Variants in LRP2 observed in about 807,000 individuals in gnomAD.
The protein encoded by LRP2 is low-density lipoprotein receptor-related protein 2.
Under a neutral mutation model 531.0 loss-of-function variants are expected in LRP2, and 172 were observed. The observed-to-expected ratio is 0.32, with a 90% confidence interval of 0.29 to 0.37. LRP2 has a LOEUF of 0.37. Among genes scored for constraint, LRP2 ranks in the 10% least tolerant of loss-of-function variants. The pLI, the probability that LRP2 is intolerant of heterozygous loss-of-function variation, is 1.00. For missense variants in LRP2, 5,167 were observed against 5,868.3 expected (o/e 0.88, Z 3.90); for synonymous variants, 1,992 against 2,027.6 (o/e 0.98, Z 0.47).
chr2:169,256,300 G>A, intron 18 of LRP2, 64 bp from the exon 19 acceptor site: 1 of 1,423,886 alleles, frequency 7.0e-7, no homozygotes, highest in Non-Finnish European at 9.8e-7. Flanking sequence ...TTTACACAAA[G>A]GGCATCCAAA....
At chr2:169,341,649 T>C (rs767874959) in intron 1 of LRP2, among the ~76,000 whole-genome samples, 6 of 152,298 alleles carry the variant, frequency 3.9e-5, no homozygotes, top group Non-Finnish European at 7.4e-5. Context: ...TTATTATTAA[T>C]TTAAAGTTAC....
intron 3 of LRP2, among the ~76,000 whole-genome samples, chr2:169,310,054 G>C (rs1684548886): frequency 6.6e-6 from 1 of 152,170 alleles, no homozygotes; most frequent in Non-Finnish European, 1.5e-5. Flanking sequence ...GAATGCTTGT[G>C]ATTTTTGCAC....
intron 21 of LRP2, among the ~76,000 whole-genome samples, chr2:169,245,792 A>G (rs1689983174): frequency 6.6e-6 from 1 of 152,248 alleles, no homozygotes; most frequent in African/African-American, 2.4e-5. Context: ...TATGATTGCA[A>G]GTAGTTATTC....
At chr2:169,198,383 C>T (rs1269456550) in intron 45 of LRP2, among the ~76,000 whole-genome samples, 1 of 152,116 alleles carries the variant, frequency 6.6e-6, no homozygotes, top group Admixed American at 6.5e-5. Flanking sequence ...CACTACACTA[C>T]AGCCCAGGTG....
intron 63 of LRP2, among the ~76,000 whole-genome samples, chr2:169,157,897 C>T (rs73032957): frequency 7.7e-6 from 1 of 130,262 alleles, no homozygotes; most frequent in Non-Finnish European, 1.6e-5. Context: ...GATGATAGAT[C>T]GATAGATAGA....
chr2:169,265,531 A>G (rs1297963131), intron 16 of LRP2, among the ~76,000 whole-genome samples: 1 of 152,092 alleles, frequency 6.6e-6, no homozygotes, highest in African/African-American at 2.4e-5. Flanking sequence ...TGTCATATCC[A>G]TATCCATATC....
chr2:169,129,578 A>T (rs1685211448), intron 77 of LRP2, among the ~76,000 whole-genome samples: 1 of 152,216 alleles, frequency 6.6e-6, no homozygotes, highest in African/African-American at 2.4e-5. Context: ...TAATAACAAA[A>T]ACATCTAACA....
intron 1 of LRP2, among the ~76,000 whole-genome samples, chr2:169,339,171 TATTCATC>T (rs1220431766): frequency 2.6e-5 from 4 of 152,128 alleles, no homozygotes; most frequent in Non-Finnish European, 5.9e-5. Context: ...AGCTCTTCTA[TATTCATC>T]ATCTGCAACC....
intron 17 of LRP2, among the ~76,000 whole-genome samples, chr2:169,258,281 A>C (rs929498771): frequency 6.6e-6 from 1 of 152,078 alleles, no homozygotes; most frequent in East Asian, 1.9e-4. Flanking sequence ...ACTGCGCCTT[A>C]GATTCATTCT....
In LRP2 at chr2:169,175,431, G is replaced by C. The variant is rs1049689448; in HGVS notation, c.10572-42C>G. ...CAGCACTTCTTTAGCAAAGCACCAG[G>C]GGCAACAGTTATCTGGAGAGAAGAA... is the stretch of plus-strand genomic sequence containing the variant. On this transcript the variant is annotated intron_variant, in intron 54 of 78. Transcript: ENST00000649046. 3 of 1,576,240 alleles carry C rather than the reference G, an allele frequency of 1.9e-6. No homozygotes were observed. In the African/African-American group the frequency reaches 4.0e-5, roughly 21 times the overall value.
At position 169,206,176 on chromosome 2, in the gene LRP2, G is replaced by A. The variant is rs150323070; in HGVS notation, c.7403C>T (p.Ala2468Val). Residue 2468 changes from alanine to valine, a missense_variant, in exon 40 of 79, where the codon GCT becomes GTT. Physicochemically the swap from Ala to Val is moderately conservative, Grantham distance 64. Coordinates refer to ENST00000649046, the MANE Select transcript of LRP2 (RefSeq NM_004525.3). ...PTVIASGIGT[A>V]DGIAFDWITR... ...AATCCAGTCAAAGGCAATGCCATCA[G>A]CAGTCCCTATACCTGGACACATACA... The A allele has an allele frequency of 1.9e-6, 3 of 1,614,132 alleles. No homozygotes were observed. The African/African-American group carries it at 4.0e-5, about 22-fold the overall frequency.
chr2:169,304,646 G>A lies in LRP2; in HGVS notation c.427+2635C>T, dbSNP rs147388684. On this transcript the variant is annotated intron_variant, in intron 4 of 78. Transcript: ENST00000649046. ...GCTATTCTGTGGCATCCAGACACAC[G>A]CTACCATCTCTAAACTTGCCAGAGT... is the stretch of plus-strand genomic sequence containing the variant. Among the ~76,000 whole-genome samples, 131 of 152,220 alleles carry A rather than the reference G, an allele frequency of 8.6e-4. 1 individual carries two copies. Among genetic ancestry groups the A allele is most frequent in the African/African-American group, 1.7e-3 (71 of 41,546 alleles).
intron 32 of LRP2, 84 bp downstream of exon 32, chr2:169,226,338 C>A (rs929959876): frequency 4.4e-6 from 5 of 1,137,906 alleles, no homozygotes; most frequent in Non-Finnish European, 6.5e-6. Flanking sequence ...ACTCACATGA[C>A]AAAAGTTTGC....
chr2:169,318,156 C>T (rs1684816926), intron 3 of LRP2, among the ~76,000 whole-genome samples: 1 of 151,698 alleles, frequency 6.6e-6, no homozygotes, highest in African/African-American at 2.4e-5. Context: ...AGTCTGATTC[C>T]AAAGAAATTA....
At chr2:169,343,503 G>A (rs1300438114) in intron 1 of LRP2, among the ~76,000 whole-genome samples, 1 of 152,188 alleles carries the variant, frequency 6.6e-6, no homozygotes, top group Non-Finnish European at 1.5e-5. Flanking sequence ...GGGGCCAAAT[G>A]TTTACTGAAT....
intron 50 of LRP2, among the ~76,000 whole-genome samples, chr2:169,184,504 C>T (rs766722513): frequency 3.3e-5 from 5 of 152,216 alleles, no homozygotes; most frequent in Non-Finnish European, 5.9e-5. Flanking sequence ...TACATCTTTA[C>T]AGTGCCTGCA....
At chr2:169,305,926 G>A (rs945931059) in intron 4 of LRP2, among the ~76,000 whole-genome samples, 2 of 152,076 alleles carry the variant, frequency 1.3e-5, no homozygotes, top group Non-Finnish European at 2.9e-5. Flanking sequence ...AGGAGCAACA[G>A]TATATGCCTA....
intron 68 of LRP2, among the ~76,000 whole-genome samples, chr2:169,148,984 C>T (rs1474898330): frequency 6.6e-6 from 1 of 152,202 alleles, no homozygotes; most frequent in East Asian, 1.9e-4. Context: ...CTACTTTCTC[C>T]ATAGAGCTTC....
chr2:169,297,086 C>T (rs1684151683), intron 4 of LRP2, among the ~76,000 whole-genome samples: 1 of 152,140 alleles, frequency 6.6e-6, no homozygotes, highest in African/African-American at 2.4e-5. Flanking sequence ...CCACCAAATA[C>T]TGAAAATACC....
Sources: allele counts gnomAD v4.1 joint callset (sites outside exome capture counted in the v4.1 genomes callset), GRCh38; gene constraint gnomAD v4.1.1; transcripts MANE v1.5; gene names NCBI Gene and HGNC (gene_info 2026-07-23, HGNC 2026-07-21).